SAP130: variants seen among roughly 807,000 people sequenced by gnomAD.
SAP130 encodes histone deacetylase complex subunit SAP130.
SAP130 carries 16 observed loss-of-function variants against 103.2 expected under a neutral mutation model. That is an observed-to-expected ratio of 0.16 (90% CI 0.10 to 0.24). SAP130 has a LOEUF of 0.24. Ranked by LOEUF, SAP130 falls within the 10% of genes least tolerant of loss-of-function variation. SAP130 has a pLI of 1.00. For synonymous variants in SAP130, 477 were observed against 497.0 expected, an observed-to-expected ratio of 0.96 and a Z score of 0.53; for missense variants, 990 against 1,359.7, an observed-to-expected ratio of 0.73 and a Z score of 4.28.
rs1678695584 is a variant in SAP130, at chr2:127,941,384, C to A, written c.*622G>T. ...TGCCTGCTCTGAACCTCCACAAAAA[C>A]CCAGTTCTGACACACGCAAGACAGA... On this transcript the variant is annotated 3_prime_UTR_variant, in exon 21 of 21. Transcript: ENST00000643581. 2 of 152,302 alleles carry A rather than the reference C, an allele frequency of 1.3e-5. No individual in the cohort carries two copies. Among genetic ancestry groups the A allele is most frequent in the South Asian group, 2.1e-4 (1 of 4,826 alleles). The allele number at this position is 152,302 out of a possible 1,614,324, so 9.4% of individuals were successfully genotyped here.
chr2:128,013,276 C>A, intron 5 of SAP130, 122 bp from the exon 6 acceptor site: 2 of 791,150 alleles, frequency 2.5e-6, no homozygotes, highest in African/African-American at 1.8e-5. Flanking sequence ...ATGTATACTT[C>A]CCATTTCATC....
At position 127,942,280 on chromosome 2, in the gene SAP130, CT is replaced by C; in HGVS notation, c.3016-117del. The C allele has an allele frequency of 8.5e-7, 1 of 1,169,624 alleles. No individual in the cohort carries two copies. The highest frequency in any genetic ancestry group is 1.2e-6 in the Non-Finnish European group (1 of 815,146). The allele number at this position is 1,169,624 out of a possible 1,614,324, so 72.5% of individuals were successfully genotyped here. A position where few individuals can be genotyped will look rare whatever the true frequency, so the allele number is the denominator to read the frequency against. ...GAGGCTTCCACAACAGAGAAAATGT[CT>C]TTTTGTTTCTCAGGAGTGCAGGCTG... On this transcript the variant is annotated intron_variant, in intron 20 of 20. Coordinates refer to ENST00000643581, the MANE Select transcript of SAP130 (RefSeq NM_001330301.2). This position sits in a 1 kb window ranked among gnomAD's most constrained non-coding sequence, Gnocchi z 4.8.
intron 14 of SAP130, among the ~76,000 whole-genome samples, chr2:127,979,188 G>A (rs1681686545): frequency 6.6e-6 from 1 of 152,216 alleles, no homozygotes; most frequent in African/African-American, 2.4e-5. Context: ...TGACGACGGA[G>A]GCAGAGATTG....
chr2:127,983,605 T>C (rs115398733), intron 14 of SAP130, among the ~76,000 whole-genome samples: 2,150 of 151,948 alleles, frequency 0.014, 39 homozygotes, highest in African/African-American at 0.049. Flanking sequence ...GGGGTGGAGG[T>C]TGGAGTGTCA....
chr2:128,012,902 T>C, intron 6 of SAP130, 128 bp downstream of exon 6: 2 of 850,798 alleles, frequency 2.4e-6, no homozygotes, highest in African/African-American at 3.5e-5. Context: ...CATGACACTG[T>C]GCATCTTTCA....
intron 14 of SAP130, among the ~76,000 whole-genome samples, chr2:127,979,909 G>A (rs940473775): frequency 3.4e-5 from 5 of 148,036 alleles, no homozygotes; most frequent in African/African-American, 5.0e-5. Context: ...ACAGAGTCTC[G>A]CTCTGTTGTC....
chr2:127,974,507 G>A (rs757154720), intron 15 of SAP130, among the ~76,000 whole-genome samples: 13 of 152,150 alleles, frequency 8.5e-5, no homozygotes, highest in Non-Finnish European at 1.6e-4. Context: ...ACACATGACA[G>A]TGGTCCCATA....
chr2:127,972,748 A>G (rs550526254), intron 15 of SAP130, among the ~76,000 whole-genome samples: 2 of 152,024 alleles, frequency 1.3e-5, no homozygotes, highest in African/African-American at 4.8e-5. Flanking sequence ...ACAGAGTGAG[A>G]TTCTGTCTAA....
chr2:127,995,827 G>C (rs1414252049), intron 11 of SAP130, among the ~76,000 whole-genome samples: 2 of 152,178 alleles, frequency 1.3e-5, no homozygotes, highest in African/African-American at 4.8e-5. Flanking sequence ...AAAACAGACA[G>C]CATGAGCTCT....
At position 128,019,957 on chromosome 2, in the gene SAP130, T is replaced by C. The variant is rs183625180; in HGVS notation, c.113-2042A>G. On this transcript the variant is annotated intron_variant, in intron 2 of 20. Coordinates refer to ENST00000643581, the MANE Select transcript of SAP130 (RefSeq NM_001330301.2). ...AGGAAGAGCTTGTGAAAATATTAAC[T>C]CATATTTGTCTATAATTTTTCCAAA... 2.7e-3 allele frequency among the ~76,000 whole-genome samples: 418 copies of C among 152,184 alleles called. 2 individuals are homozygous for C. Among genetic ancestry groups the C allele is most frequent in the Admixed American group, 4.2e-3 (64 of 15,296 alleles).
intron 10 of SAP130, among the ~76,000 whole-genome samples, chr2:127,997,931 T>A (rs900814247): frequency 6.6e-6 from 1 of 152,058 alleles, no homozygotes; most frequent in East Asian, 1.9e-4. Flanking sequence ...CTGGCCAACA[T>A]GGTGAAACCC....
chr2:128,026,886 T>C (rs1685533655), intron 1 of SAP130, among the ~76,000 whole-genome samples: 1 of 152,192 alleles, frequency 6.6e-6, no homozygotes. Context: ...CTTCTCCATC[T>C]TCCCTAAAAT....
intron 2 of SAP130, among the ~76,000 whole-genome samples, chr2:128,025,521 G>A (rs1175647812): frequency 1.3e-5 from 2 of 152,114 alleles, no homozygotes; most frequent in African/African-American, 4.8e-5. Flanking sequence ...AATATTCAGG[G>A]GGGGAAAAAA....
intron 16 of SAP130, among the ~76,000 whole-genome samples, chr2:127,952,549 TA>T (rs913508929): frequency 2.0e-5 from 3 of 151,938 alleles, no homozygotes; most frequent in Non-Finnish European, 2.9e-5. Flanking sequence ...TGTTTATATA[TA>T]ATGTCTCTAT....
chr2:128,020,979 G>C (rs1271988467), intron 2 of SAP130, among the ~76,000 whole-genome samples: 3 of 152,098 alleles, frequency 2.0e-5, no homozygotes, highest in Admixed American at 1.3e-4. Flanking sequence ...AACGAAGCAA[G>C]ACTCTGTCTC....
rs778420165 is a variant in SAP130 at position 127,942,404 on chromosome 2, G to C, written c.3015+20C>G. 1.3e-6 allele frequency: 2 copies of C among 1,522,634 alleles called. No individual in the cohort carries two copies. Among genetic ancestry groups the C allele is most frequent in the Admixed American group, 3.3e-5 (2 of 59,832 alleles). The allele number at this position is 1,522,634 out of a possible 1,614,324, so 94.3% of individuals were successfully genotyped here. On this transcript the variant is annotated intron_variant, in intron 20 of 20. Coordinates refer to ENST00000643581, the MANE Select transcript of SAP130 (RefSeq NM_001330301.2). This position sits in a 1 kb window ranked among gnomAD's most constrained non-coding sequence, Gnocchi z 4.8. ...AACTTCATAAAGTAGATGATCAGAA[G>C]GGAAGGGGCGCACTCAAACCTGTAT... is the stretch of plus-strand genomic sequence containing the variant.
At chr2:127,993,812 C>T (rs1354981090) in intron 11 of SAP130, among the ~76,000 whole-genome samples, 6 of 152,084 alleles carry the variant, frequency 3.9e-5, no homozygotes, top group African/African-American at 1.2e-4. Flanking sequence ...TGGTTATTCA[C>T]CAGCACAATC....
intron 1 of SAP130, chr2:128,027,191 C>A (rs1685571947): frequency 2.4e-6 from 3 of 1,232,308 alleles, no homozygotes; most frequent in African/African-American, 3.1e-5. Flanking sequence ...GCTCGGCGGG[C>A]GCGGGGAGGG....
rs776771161 is a variant in SAP130, at chr2:128,013,166, A to C, written c.620-12T>G. On this transcript the variant is annotated splice_polypyrimidine_tract_variant and intron_variant, in intron 5 of 20. Transcript: ENST00000643581. ...AGCAGCAGCTGCACCTGAAAAAAAAAAAGTGTTTATTATATTTATTCTAGT... is the reference window on the plus strand; with the variant it reads ...AGCAGCAGCTGCACCTGAAAAAAAACAAGTGTTTATTATATTTATTCTAGT... The C allele has an allele frequency of 1.9e-6, 3 of 1,589,808 alleles. No homozygotes were observed. The African/African-American group carries it at 4.1e-5, about 22-fold the overall frequency.
Sources: gnomAD v4.1 joint callset for allele counts (sites outside exome capture counted in the v4.1 genomes callset) on GRCh38, gnomAD v4.1.1 for gene constraint, Gnocchi (gnomAD v3.1) non-coding constraint, MANE v1.5 for transcripts, NCBI Gene and HGNC (gene_info 2026-07-23, HGNC 2026-07-21) for gene names.